The following ENOSF1 variants were observed in gnomAD, a reference collection of about 807,000 sequenced individuals.
The protein encoded by ENOSF1 is enolase superfamily member 1.
In ENOSF1, 73 loss-of-function variants were observed where a neutral mutation model predicts 68.2. The observed-to-expected ratio is 1.07, with a 90% confidence interval of 0.89 to 1.30. The LOEUF (loss-of-function observed/expected upper bound fraction) is 1.30, where lower values mean the gene tolerates loss of function less well. Ranked by LOEUF, ENOSF1 falls within the 50% of genes most tolerant of loss-of-function variation. The pLI is 0.00. For missense variants in ENOSF1, 589 were observed against 554.5 expected (o/e 1.06, Z -0.62); for synonymous variants, 223 against 210.4 (o/e 1.06, Z -0.52).
At position 712,611 on chromosome 18, in the gene ENOSF1, G is replaced by A. The variant is rs925411105; in HGVS notation, c.-24C>T. The A allele has an allele frequency of 2.5e-5, 34 of 1,378,652 alleles. No individual in the cohort carries two copies. The highest frequency in any genetic ancestry group is 2.1e-4 in the East Asian group (6 of 28,748). 85.4% of individuals were successfully genotyped at this position (1,378,652 alleles called of 1,614,324 possible). On this transcript the variant is annotated 5_prime_UTR_variant, in exon 1 of 16. Coordinates refer to ENST00000647584, the MANE Select transcript of ENOSF1 (RefSeq NM_017512.7). ...ATGGCCCCTGCGCCCCGTGGCCGCG[G>A]CCCCCGTGCGGTCAGGACTGGTCGG...
chr18:688,690 A>G, intron 8 of ENOSF1, 82 bp from the exon 9 acceptor site: 1 of 1,257,390 alleles, frequency 8.0e-7, no homozygotes, highest in South Asian at 1.2e-5. Flanking sequence ...GATCTGTTTC[A>G]CAAGCATTAC....
intron 7 of ENOSF1, 200 bp downstream of exon 7, chr18:690,868 T>G: frequency 7.5e-7 from 1 of 1,339,484 alleles, no homozygotes; most frequent in Non-Finnish European, 1.0e-6. Context: ...CCAAACTTCC[T>G]TTCAGCAGTG....
Position 697,704 on chromosome 18 carries a change from T to C in ENOSF1, c.194-349A>G, listed in dbSNP as rs557992753. ...AGGCAGAGGTTGCAGTGAGCCGAGA[T>C]TGCACCACTGCACTCCAGCCTGGGC... is the stretch of plus-strand genomic sequence containing the variant. On this transcript the variant is annotated intron_variant, in intron 2 of 15. Transcript: ENST00000647584. 1.7e-3 allele frequency among the ~76,000 whole-genome samples: 257 copies of C among 152,308 alleles called. 1 individual carries two copies. The highest frequency in any genetic ancestry group is 2.1e-3 in the Non-Finnish European group (142 of 68,004).
Position 712,488 on chromosome 18 carries a change from T to TCCGCGCTTACCAC in ENOSF1, c.84+15_84+16insGTGGTAAGCGCGG. ...CTTACCATGGCGTCCGCGCTTACCA[T>TCCGCGCTTACCAC]GGCGTCCGCGCTTACCATGGCGTCC... On this transcript the variant is annotated intron_variant, in intron 1 of 15. Coordinates refer to ENST00000647584, the MANE Select transcript of ENOSF1 (RefSeq NM_017512.7). The TCCGCGCTTACCAC allele has an allele frequency of 2.0e-6, 3 of 1,534,016 alleles. No homozygotes were observed. The highest frequency in any genetic ancestry group is 8.7e-7 in the Non-Finnish European group (1 of 1,144,776).
At chr18:666,921 A>ATGGTGATGGTGATGGT (rs2074832063), downstream of ENOSF1, among the ~76,000 whole-genome samples, 1 of 33,482 alleles carries the variant, frequency 3.0e-5, no homozygotes, top group Non-Finnish European at 5.9e-5. Context: ...ATGGTGATGG[A>ATGGTGATGGTGATGGT]GATGGTGATG....
chr18:699,573 C>A (rs2078101303), intron 2 of ENOSF1, among the ~76,000 whole-genome samples: 1 of 152,084 alleles, frequency 6.6e-6, no homozygotes, highest in Non-Finnish European at 1.5e-5. Flanking sequence ...TTTGCCAATT[C>A]TAGGAAACAT....
At chr18:698,995 C>T (rs1310979361) in intron 2 of ENOSF1, among the ~76,000 whole-genome samples, 4 of 152,118 alleles carry the variant, frequency 2.6e-5, no homozygotes, top group East Asian at 3.9e-4. Context: ...AGGACCTACA[C>T]GCAACACCAC....
At chr18:688,700 C>A in intron 8 of ENOSF1, 92 bp from the exon 9 acceptor site, 1 of 1,165,142 alleles carries the variant, frequency 8.6e-7, no homozygotes, top group Non-Finnish European at 1.3e-6. Context: ...ACAAGCATTA[C>A]GGTTATAGCA....
chr18:687,055 A>ACAGC (rs35812960), intron 9 of ENOSF1: 30,657 of 152,050 alleles, frequency 0.2, 3,382 homozygotes, highest in Admixed American at 0.27. Context: ...GGGAGGGCAA[A>ACAGC]CAGCACTTAC....
downstream of ENOSF1, among the ~76,000 whole-genome samples, chr18:666,172 A>G (rs925756139): frequency 6.7e-5 from 10 of 149,546 alleles, no homozygotes; most frequent in Non-Finnish European, 1.3e-4. Context: ...AGGTCAGATG[A>G]TTGGCACTTA....
chr18:667,732 T>A (rs2074886542), downstream of ENOSF1: 1 of 152,210 alleles, frequency 6.6e-6, no homozygotes, highest in Non-Finnish European at 1.5e-5. Context: ...AGCTGCTGCG[T>A]GGGCCAAGTT....
At chr18:697,726 G>A (rs369815082) in intron 2 of ENOSF1, among the ~76,000 whole-genome samples, 1 of 152,174 alleles carries the variant, frequency 6.6e-6, no homozygotes, top group Non-Finnish European at 1.5e-5. Flanking sequence ...ACTCCAGCCT[G>A]GGCAACAAGA....
Position 673,033 on chromosome 18 carries a change from CT to C in ENOSF1, c.*1271del. On this transcript the variant is annotated 3_prime_UTR_variant, in exon 16 of 16. Coordinates refer to ENST00000647584, the MANE Select transcript of ENOSF1 (RefSeq NM_017512.7). ...AAGGAGCTCGAAGGATATTGTCAGT[CT>C]TTAGGGGTTGGGCTGGATGCCGAGG... The C allele has an allele frequency of 6.7e-7, 1 of 1,486,546 alleles. No individual in the cohort carries two copies. The highest frequency in any genetic ancestry group is 1.5e-5 in the South Asian group (1 of 68,588). 92.1% of individuals were successfully genotyped at this position (1,486,546 alleles called of 1,614,324 possible). A position where few individuals can be genotyped will look rare whatever the true frequency, so the allele number is the denominator to read the frequency against.
In ENOSF1 at chr18:675,322, T is replaced by C; in HGVS notation, c.1229A>G (p.Lys410Arg). The C allele has an allele frequency of 6.2e-7, 1 of 1,610,446 alleles. No homozygotes were observed. The change falls in exon 15 of 16, where the codon AAG becomes AGG. Residue 410 changes from lysine (K) to arginine (R), a missense_variant and splice_region_variant. Coordinates refer to ENST00000647584, the MANE Select transcript of ENOSF1 (RefSeq NM_017512.7). Reference protein sequence around the residue: ...MIQRASYMPPKDPGYSTEMKE... With the variant: ...MIQRASYMPPRDPGYSTEMKE... ...AGGGGCCCTCAGGCCACAGCTTACC[T>C]TGGGAGGCATGTAGGAAGCCCGCTG...
intron 15 of ENOSF1, 81 bp downstream of exon 15, chr18:675,240 G>T: frequency 9.5e-7 from 1 of 1,052,012 alleles, no homozygotes; most frequent in Non-Finnish European, 1.5e-6. Flanking sequence ...AAAGCTTGGT[G>T]CTCCACAGTC....
intron 9 of ENOSF1, chr18:688,363 C>A: frequency 1.8e-6 from 1 of 561,110 alleles, no homozygotes; most frequent in Non-Finnish European, 3.2e-6. Context: ...CCTCTTTCAA[C>A]TCTGATGGCC....
intron 15 of ENOSF1, 113 bp from the exon 16 acceptor site, chr18:674,519 A>AATT: frequency 1.4e-6 from 1 of 693,886 alleles, no homozygotes; most frequent in Non-Finnish European, 2.4e-6. Context: ...GAGGCAATTA[A>AATT]TTAATTTTTT....
chr18:699,996 C>G lies in ENOSF1; in HGVS notation c.194-2641G>C, dbSNP rs547534869. On this transcript the variant is annotated intron_variant, in intron 2 of 15. Transcript: ENST00000647584. ...TTGGGAAGCGGAGGGAGGAGAATCACTTGAACCCAGGAGGTGGAGGTTGCA... is the reference window on the plus strand; with the variant it reads ...TTGGGAAGCGGAGGGAGGAGAATCAGTTGAACCCAGGAGGTGGAGGTTGCA... 7.4e-4 allele frequency among the ~76,000 whole-genome samples: 113 copies of G among 152,316 alleles called. 4 individuals carry two copies. The South Asian group carries it at 0.023, about 31-fold the overall frequency.
At chr18:708,449 T>G (rs778476173) in intron 1 of ENOSF1, among the ~76,000 whole-genome samples, 2 of 152,024 alleles carry the variant, frequency 1.3e-5, no homozygotes, top group Non-Finnish European at 2.9e-5. Context: ...GACAGGAGGA[T>G]TGTTTGAGCC....
Sources: gnomAD v4.1 joint callset for allele counts (sites outside exome capture counted in the v4.1 genomes callset) on GRCh38, gnomAD v4.1.1 for gene constraint, MANE v1.5 for transcripts, NCBI Gene and HGNC (gene_info 2026-07-23, HGNC 2026-07-21) for gene names.